The following COX16 variants were observed in gnomAD, a reference collection of about 807,000 sequenced individuals.
COX16 encodes cytochrome c oxidase assembly protein COX16 homolog, mitochondrial.
COX16 carries 12 observed loss-of-function variants against 15.4 expected under a neutral mutation model. The ratio of observed to expected loss-of-function variants is 0.78; its 90% confidence interval spans 0.50 to 1.26. COX16 has a LOEUF of 1.26. Among genes scored for constraint, COX16 ranks in the 50% most tolerant of loss-of-function variants. The pLI, the probability that COX16 is intolerant of heterozygous loss-of-function variation, is 0.00. For missense variants in COX16, 124 were observed against 127.6 expected (o/e 0.97, Z 0.14); for synonymous variants, 46 against 41.1 (o/e 1.12, Z -0.46).
intron 1 of COX16, among the ~76,000 whole-genome samples, chr14:70,344,301 CAAG>C (rs1886710688): frequency 6.6e-6 from 1 of 152,186 alleles, no homozygotes. Flanking sequence ...GGTCCCCAGG[CAAG>C]AAGGGAGTCT....
intron 2 of COX16, 57 bp downstream of exon 2, chr14:70,342,601 C>A: frequency 6.4e-7 from 1 of 1,559,066 alleles, no homozygotes; most frequent in South Asian, 1.2e-5. Context: ...TACAATTCTC[C>A]TAAACCAGAA....
chr14:70,340,513 A>G (rs936587909), intron 2 of COX16, among the ~76,000 whole-genome samples: 4 of 152,180 alleles, frequency 2.6e-5, no homozygotes, highest in Admixed American at 2.0e-4. Flanking sequence ...TTAGTCATCA[A>G]ATACTATCAA....
chr14:70,355,692 T>C (rs1007552083), intron 1 of COX16, among the ~76,000 whole-genome samples: 3 of 152,204 alleles, frequency 2.0e-5, no homozygotes, highest in Admixed American at 6.5e-5. Flanking sequence ...ATGTTCAAGA[T>C]ATAATACAAA....
At chr14:70,336,068 A>G (rs528560390) in intron 2 of COX16, among the ~76,000 whole-genome samples, 2 of 152,280 alleles carry the variant, frequency 1.3e-5, no homozygotes, top group East Asian at 1.9e-4. Context: ...CATCTTGGCT[A>G]ACACAGTGAA....
At chr14:70,333,533 A>G (rs1408716505) in intron 2 of COX16, among the ~76,000 whole-genome samples, 1 of 152,062 alleles carries the variant, frequency 6.6e-6, no homozygotes, top group Admixed American at 6.5e-5. Flanking sequence ...AATACACAGT[A>G]AGAAGAGAAA....
At chr14:70,349,241 G>A (rs1030199580) in intron 1 of COX16, among the ~76,000 whole-genome samples, 5 of 152,036 alleles carry the variant, frequency 3.3e-5, no homozygotes, top group African/African-American at 4.8e-5. Context: ...GGCTCCCTCC[G>A]GCCACCGCCT....
intron 1 of COX16, among the ~76,000 whole-genome samples, chr14:70,349,290 C>G (rs1400694163): frequency 6.6e-6 from 1 of 152,196 alleles, no homozygotes; most frequent in African/African-American, 2.4e-5. Context: ...TACCCAGGCA[C>G]GATTGGCAAG....
intron 1 of COX16, among the ~76,000 whole-genome samples, chr14:70,351,923 TA>T (rs1365096011): frequency 2.0e-5 from 3 of 152,204 alleles, no homozygotes; most frequent in African/African-American, 7.2e-5. Flanking sequence ...GATCAAACTT[TA>T]TTTTTTTGCA....
At position 70,325,681 on chromosome 14, in the gene COX16, GATTTACT is replaced by G. The variant is rs1886045293; in HGVS notation, c.*645_*651del. 1 of 105,818 alleles carries G rather than the reference GATTTACT, an allele frequency of 9.5e-6. No individual in the cohort carries two copies. Among genetic ancestry groups the G allele is most frequent in the Admixed American group, 9.1e-5 (1 of 10,994 alleles). The allele number at this position is 105,818 out of a possible 1,614,324, so 6.6% of individuals were successfully genotyped here. A position where few individuals can be genotyped will look rare whatever the true frequency, so the allele number is the denominator to read the frequency against. The stretch of plus-strand genomic sequence containing the variant: ...ATTTCTCAAAATGTAGTCATCTATG[GATTTACT>G]GAACAAATTTGCCATATCTGCTTAT... On this transcript the variant is annotated 3_prime_UTR_variant, in exon 4 of 4. Coordinates refer to ENST00000389912, the MANE Select transcript of COX16 (RefSeq NM_016468.7).
intron 1 of COX16, among the ~76,000 whole-genome samples, chr14:70,352,187 T>C (rs1886974798): frequency 6.6e-6 from 1 of 152,192 alleles, no homozygotes. Context: ...TACTTTTTTA[T>C]TTATTTATTT....
At chr14:70,329,149 C>T (rs1282385364) in intron 3 of COX16, 25 bp downstream of exon 3, 3 of 1,575,762 alleles carry the variant, frequency 1.9e-6, no homozygotes, top group Non-Finnish European at 2.6e-6. Context: ...TGTTATAAGA[C>T]AGAGACTATA....
intron 3 of COX16, among the ~76,000 whole-genome samples, chr14:70,328,840 A>C (rs1184074159): frequency 6.6e-6 from 1 of 152,102 alleles, no homozygotes; most frequent in Non-Finnish European, 1.5e-5. Context: ...TGTATGTATG[A>C]ACCCATTGAT....
chr14:70,357,179 A>G (rs1054141446), intron 1 of COX16, among the ~76,000 whole-genome samples: 7 of 151,306 alleles, frequency 4.6e-5, no homozygotes, highest in African/African-American at 1.7e-4. Context: ...AAAAAAAAAA[A>G]AAAAAAAAAA....
intron 2 of COX16, among the ~76,000 whole-genome samples, chr14:70,330,174 CAAAT>C (rs376640960): frequency 2.2e-4 from 33 of 152,088 alleles, no homozygotes; most frequent in Middle Eastern, 3.4e-3. Context: ...AGAGAAGTCA[CAAAT>C]AAAGAGTATT....
In COX16 at chr14:70,331,341, A is replaced by T. The variant is rs187099579; in HGVS notation, c.142-2105T>A. ...AACTTAAGAAAATTTGTTTATCAAA[A>T]GATACCATTAAGAAAGTGAAGACTA... On this transcript the variant is annotated intron_variant, in intron 2 of 3. Transcript: ENST00000389912. Among the ~76,000 whole-genome samples, 72 of 150,870 alleles carry T rather than the reference A, an allele frequency of 4.8e-4. 1 individual carries two copies. Among genetic ancestry groups the T allele is most frequent in the Non-Finnish European group, 4.3e-4 (29 of 67,142 alleles).
intron 1 of COX16, among the ~76,000 whole-genome samples, chr14:70,343,373 A>G (rs1222185335): frequency 6.6e-6 from 1 of 152,226 alleles, no homozygotes; most frequent in African/African-American, 2.4e-5. Flanking sequence ...TCTTTGTTCA[A>G]ATAAACTCTA....
intron 3 of COX16, among the ~76,000 whole-genome samples, chr14:70,328,830 T>C (rs554893954): frequency 3.3e-4 from 51 of 152,312 alleles, no homozygotes; most frequent in Non-Finnish European, 6.9e-4. Context: ...CTTTTGAATT[T>C]GTATGTATGA....
chr14:70,345,756 G>A (rs951243283), intron 1 of COX16, among the ~76,000 whole-genome samples: 1 of 152,040 alleles, frequency 6.6e-6, no homozygotes, highest in Non-Finnish European at 1.5e-5. Flanking sequence ...TTGCTTACCT[G>A]TTCAAATCCT....
At chr14:70,357,310 A>G (rs944264206) in intron 1 of COX16, among the ~76,000 whole-genome samples, 1 of 152,156 alleles carries the variant, frequency 6.6e-6, no homozygotes, top group African/African-American at 2.4e-5. Context: ...AGTCATGCAA[A>G]TAACTAGAAC....
Sources: allele counts gnomAD v4.1 joint callset (sites outside exome capture counted in the v4.1 genomes callset), GRCh38; gene constraint gnomAD v4.1.1; transcripts MANE v1.5; gene names NCBI Gene and HGNC (gene_info 2026-07-23, HGNC 2026-07-21).